The following SGCD variants were observed in gnomAD, a reference collection of about 807,000 sequenced individuals.
SGCD encodes the protein sarcoglycan delta.
SGCD carries 18 observed loss-of-function variants against 36.6 expected under a neutral mutation model. That is an observed-to-expected ratio of 0.49 (90% CI 0.34 to 0.73). The LOEUF (loss-of-function observed/expected upper bound fraction) is 0.73, where lower values mean the gene tolerates loss of function less well. Ranked by LOEUF, SGCD falls within the 30% of genes least tolerant of loss-of-function variation. The probability of loss-of-function intolerance (pLI) is 0.01; values close to 1 mark genes in which losing one functional copy is unlikely to be tolerated. For synonymous variants in SGCD, 133 were observed against 130.6 expected (o/e 1.02, Z -0.12); for missense variants, 387 against 346.7 (o/e 1.12, Z -0.92).
At chr5:156,236,749 A>C (rs564397603) in intron 3 of SGCD, among the ~76,000 whole-genome samples, 1 of 147,158 alleles carries the variant, frequency 6.8e-6, no homozygotes, top group Non-Finnish European at 1.5e-5. Context: ...TGCCTGGCCT[A>C]ATTTGTATAC....
intron 3 of SGCD, among the ~76,000 whole-genome samples, chr5:156,300,745 C>G (rs1294107552): frequency 6.6e-6 from 1 of 152,020 alleles, no homozygotes; most frequent in East Asian, 1.9e-4. Context: ...ATTGGGATCT[C>G]TCTGTCTCTT....
intron 3 of SGCD, among the ~76,000 whole-genome samples, chr5:156,194,974 G>T (rs1561560135): frequency 6.6e-6 from 1 of 152,136 alleles, no homozygotes; most frequent in Non-Finnish European, 1.5e-5. Flanking sequence ...TGATGATGAT[G>T]ATTATGGTGA....
chr5:156,400,034 G>A (rs1484301872), intron 3 of SGCD, among the ~76,000 whole-genome samples: 1 of 152,138 alleles, frequency 6.6e-6, no homozygotes, highest in Non-Finnish European at 1.5e-5. Flanking sequence ...AATGGGGTGA[G>A]GAGGGTAAGT....
intron 7 of SGCD, among the ~76,000 whole-genome samples, chr5:156,652,567 T>C (rs558537322): frequency 6.6e-6 from 1 of 152,210 alleles, no homozygotes; most frequent in African/African-American, 2.4e-5. Context: ...TGACTTCTTT[T>C]CTTTTTATTT....
At position 156,589,873 on chromosome 5, in the gene SGCD, C is replaced by T. The variant is rs188239286; in HGVS notation, c.382+555C>T. 7.2e-5 allele frequency among the ~76,000 whole-genome samples: 11 copies of T among 152,306 alleles called. No individual in the cohort carries two copies. In the East Asian group the frequency reaches 1.2e-3, roughly 16 times the overall value. On this transcript the variant is annotated intron_variant, in intron 5 of 8. Coordinates refer to ENST00000337851, the MANE Select transcript of SGCD (RefSeq NM_000337.6). ...TTTAATACAGCAGATCTGTGCCTAA[C>T]GGCTGTGGAAAGCACCCACTGTGTT...
Position 156,732,549 on chromosome 5 carries a change from C to T in SGCD, c.576-25032C>T, listed in dbSNP as rs530893492. ...ATCAATGTTCATCAAAGATATTGGC[C>T]TGAAGGTTTCTGTTTTTTTCTATCT... is the stretch of plus-strand genomic sequence containing the variant. On this transcript the variant is annotated intron_variant, in intron 7 of 8. Transcript: ENST00000337851. Among the ~76,000 whole-genome samples the T allele has an allele frequency of 7.2e-5, 11 of 152,176 alleles. No individual in the cohort carries two copies. The South Asian group carries it at 2.3e-3, about 32-fold the overall frequency.
At chr5:156,651,524 C>T (rs1275680734) in intron 7 of SGCD, among the ~76,000 whole-genome samples, 1 of 152,078 alleles carries the variant, frequency 6.6e-6, no homozygotes, top group Non-Finnish European at 1.5e-5. Flanking sequence ...ATGTGATTAG[C>T]CAGATATCCC....
intron 3 of SGCD, among the ~76,000 whole-genome samples, chr5:156,367,462 C>G (rs1770163714): frequency 6.6e-6 from 1 of 152,118 alleles, no homozygotes; most frequent in African/African-American, 2.4e-5. Context: ...AAATAATAGG[C>G]AGAAAGCACA....
chr5:156,609,183 C>T (rs967240500), intron 6 of SGCD, among the ~76,000 whole-genome samples: 14 of 151,922 alleles, frequency 9.2e-5, no homozygotes, highest in Non-Finnish European at 1.5e-4. Flanking sequence ...TGGCTGGTAC[C>T]GGTTGTTCCT....
chr5:156,436,341 G>T (rs1469010705), intron 3 of SGCD, among the ~76,000 whole-genome samples: 1 of 152,216 alleles, frequency 6.6e-6, no homozygotes, highest in Non-Finnish European at 1.5e-5. Flanking sequence ...TGCTCAAGAT[G>T]TATTTGTTGA....
chr5:156,724,238 T>A (rs1205820772), intron 7 of SGCD, among the ~76,000 whole-genome samples: 1 of 152,206 alleles, frequency 6.6e-6, no homozygotes, highest in Non-Finnish European at 1.5e-5. Context: ...GTTGGTTTAA[T>A]ATGATGTTCA....
At chr5:156,130,976 G>C (rs1304333744) in intron 3 of SGCD, among the ~76,000 whole-genome samples, 1 of 152,092 alleles carries the variant, frequency 6.6e-6, no homozygotes, top group African/African-American at 2.4e-5. Flanking sequence ...TGATCCACTG[G>C]CCTCGGCCTC....
intron 7 of SGCD, among the ~76,000 whole-genome samples, chr5:156,656,787 T>C (rs1446286657): frequency 6.6e-6 from 1 of 152,174 alleles, no homozygotes; most frequent in African/African-American, 2.4e-5. Flanking sequence ...CTGTTACTGT[T>C]TATTTTTCCC....
chr5:156,432,077 G>A (rs765740515), intron 3 of SGCD, among the ~76,000 whole-genome samples: 1 of 152,178 alleles, frequency 6.6e-6, no homozygotes, highest in Admixed American at 6.5e-5. Context: ...GAGGCTCTGG[G>A]CCGGTACTGG....
chr5:155,781,686 G>T, the SGCD span, among the ~76,000 whole-genome samples: 3 of 151,964 alleles, frequency 2.0e-5, no homozygotes, highest in Admixed American at 2.0e-4. Context: ...GCCCAGGCTG[G>T]CCCTAAACTC....
intron 1 of SGCD, among the ~76,000 whole-genome samples, chr5:156,013,719 C>T (rs1331877522): frequency 6.6e-6 from 1 of 152,028 alleles, no homozygotes; most frequent in Non-Finnish European, 1.5e-5. Flanking sequence ...TTAAGGTTAA[C>T]GTTTTATCTT....
intron 1 of SGCD, among the ~76,000 whole-genome samples, chr5:156,075,158 G>T (rs73298672): frequency 0.066 from 9,992 of 151,854 alleles, 1,039 homozygotes; most frequent in African/African-American, 0.22. Context: ...CAAAGTCAAC[G>T]TTAGCCTAGT....
intron 1 of SGCD, among the ~76,000 whole-genome samples, chr5:156,007,034 TC>T (rs1203307565): frequency 6.6e-6 from 1 of 152,228 alleles, no homozygotes; most frequent in Non-Finnish European, 1.5e-5. Flanking sequence ...CACCTTGAAA[TC>T]GTTTCATAGT....
chr5:156,506,616 C>T (rs949449405), intron 3 of SGCD, among the ~76,000 whole-genome samples: 2 of 152,020 alleles, frequency 1.3e-5, no homozygotes, highest in Non-Finnish European at 2.9e-5. Flanking sequence ...AAGGGTGCAG[C>T]AGTCAACTGG....
Sources: gnomAD v4.1 joint callset for allele counts (sites outside exome capture counted in the v4.1 genomes callset) on GRCh38, gnomAD v4.1.1 for gene constraint, MANE v1.5 for transcripts, NCBI Gene and HGNC (gene_info 2026-07-23, HGNC 2026-07-21) for gene names.